The following HDAC9 variants were observed in gnomAD, a reference collection of about 807,000 sequenced individuals.
The protein encoded by HDAC9 is MEF-2 interacting transcription repressor (MITR) protein.
HDAC9 carries 41 observed loss-of-function variants against 139.4 expected under a neutral mutation model. That is an observed-to-expected ratio of 0.29 (90% CI 0.23 to 0.38). The LOEUF (loss-of-function observed/expected upper bound fraction) is 0.38, where lower values mean the gene tolerates loss of function less well. Among genes scored for constraint, HDAC9 ranks in the 10% least tolerant of loss-of-function variants. The pLI, the probability that HDAC9 is intolerant of heterozygous loss-of-function variation, is 1.00. For synonymous variants in HDAC9, 517 were observed against 476.2 expected (o/e 1.09, Z -1.12); for missense variants, 1,147 against 1,297.0 (o/e 0.88, Z 1.78).
intron 2 of HDAC9, among the ~76,000 whole-genome samples, chr7:18,169,924 G>T (rs1300245770): frequency 6.6e-6 from 1 of 152,136 alleles, no homozygotes; most frequent in African/African-American, 2.4e-5. Context: ...AAACATACAT[G>T]TGCATGTGTC....
At chr7:18,809,954 A>T (rs568508843) in intron 17 of HDAC9, among the ~76,000 whole-genome samples, 2 of 152,144 alleles carry the variant, frequency 1.3e-5, no homozygotes, top group Non-Finnish European at 2.9e-5. Flanking sequence ...AATAGGCAAG[A>T]TACGGAAAAA....
At chr7:18,764,523 T>G (rs1789658265) in intron 15 of HDAC9, among the ~76,000 whole-genome samples, 1 of 152,192 alleles carries the variant, frequency 6.6e-6, no homozygotes, top group South Asian at 2.1e-4. Context: ...TTTTTCTCAA[T>G]CTCAGTTCAA....
intron 17 of HDAC9, among the ~76,000 whole-genome samples, chr7:18,817,195 T>G (rs762379752): frequency 6.6e-6 from 1 of 152,082 alleles, no homozygotes; most frequent in African/African-American, 2.4e-5. Context: ...CCACCACGCC[T>G]GCCTGATTTT....
At chr7:18,280,787 A>G (rs1017031083) in intron 2 of HDAC9, among the ~76,000 whole-genome samples, 1 of 151,724 alleles carries the variant, frequency 6.6e-6, no homozygotes, top group African/African-American at 2.4e-5. Flanking sequence ...AATAAATAAA[A>G]AAGAGGGGAT....
intron 22 of HDAC9, among the ~76,000 whole-genome samples, chr7:18,894,779 A>G (rs142850340): frequency 1.2e-4 from 19 of 152,280 alleles, no homozygotes; most frequent in African/African-American, 3.8e-4. Flanking sequence ...TGCTGTAAAA[A>G]GAAGAGAGAA....
chr7:18,976,546 A>G (rs755236205), intron 25 of HDAC9, among the ~76,000 whole-genome samples: 14 of 152,212 alleles, frequency 9.2e-5, no homozygotes, highest in South Asian at 2.1e-4. Flanking sequence ...GGGATAGGAC[A>G]GAATTGGTTT....
At chr7:18,861,853 T>C (rs1798134974) in intron 21 of HDAC9, among the ~76,000 whole-genome samples, 1 of 152,182 alleles carries the variant, frequency 6.6e-6, no homozygotes. Flanking sequence ...TATATGTGAG[T>C]GTACACACAC....
intron 15 of HDAC9, among the ~76,000 whole-genome samples, chr7:18,765,985 A>G (rs953669383): frequency 1.1e-4 from 16 of 152,220 alleles, no homozygotes; most frequent in African/African-American, 3.6e-4. Flanking sequence ...TTACATTTAA[A>G]AAACCAACTA....
At chr7:18,309,800 A>C (rs1799181088) in intron 1 of HDAC9, among the ~76,000 whole-genome samples, 1 of 152,362 alleles carries the variant, frequency 6.6e-6, no homozygotes, top group African/African-American at 2.4e-5. Flanking sequence ...TGAAAAAAAA[A>C]GCTCAAATTT....
rs1784756899 is a variant in HDAC9, at chr7:18,979,446, A to AATT, written c.3170+3497_3170+3499dup. On this transcript the variant is annotated intron_variant, in intron 25 of 25. Transcript: ENST00000686413. ...GCTTCTAGAAGCTAAATGTTGCACA[A>AATT]ATTATTCACCCCTCTTATTTTATTC... 2.0e-5 allele frequency among the ~76,000 whole-genome samples: 3 copies of AATT among 152,298 alleles called. No homozygotes were observed. The South Asian group carries it at 6.2e-4, about 32-fold the overall frequency.
At chr7:18,482,763 G>C (rs964997208) in intron 1 of HDAC9, among the ~76,000 whole-genome samples, 1 of 152,126 alleles carries the variant, frequency 6.6e-6, no homozygotes, top group African/African-American at 2.4e-5. Context: ...TTAACAGCTA[G>C]GTGTGCCTGG....
At chr7:18,613,479 C>T (rs1232154517) in intron 6 of HDAC9, among the ~76,000 whole-genome samples, 2 of 152,068 alleles carry the variant, frequency 1.3e-5, no homozygotes, top group East Asian at 3.9e-4. Context: ...TCTCAACTAC[C>T]CCTAATGTAA....
intron 1 of HDAC9, among the ~76,000 whole-genome samples, chr7:18,141,827 A>G (rs1376337286): frequency 6.6e-6 from 1 of 152,094 alleles, no homozygotes; most frequent in East Asian, 1.9e-4. Context: ...CATTTCATTT[A>G]TTTATTTATT....
chr7:18,303,318 T>C (rs1294066854), intron 1 of HDAC9, among the ~76,000 whole-genome samples: 1 of 151,678 alleles, frequency 6.6e-6, no homozygotes, highest in Admixed American at 6.6e-5. Flanking sequence ...CCCGGGTTCC[T>C]GCCTCAGCCT....
chr7:18,995,028 A>T (rs1025195233), intron 25 of HDAC9, among the ~76,000 whole-genome samples: 2 of 152,220 alleles, frequency 1.3e-5, no homozygotes, highest in African/African-American at 4.8e-5. Flanking sequence ...TAGACAGCAA[A>T]GGGACAAATC....
intron 17 of HDAC9, among the ~76,000 whole-genome samples, chr7:18,817,074 G>A (rs1043593152): frequency 2.7e-5 from 4 of 148,988 alleles, no homozygotes; most frequent in South Asian, 2.1e-4. Context: ...TCGCGCTGTC[G>A]CCCAGGCTGG....
At chr7:18,754,231 A>G (rs937562430) in intron 14 of HDAC9, among the ~76,000 whole-genome samples, 3 of 152,068 alleles carry the variant, frequency 2.0e-5, no homozygotes, top group South Asian at 2.1e-4. Context: ...CAAAACCAGC[A>G]GCTTTCTTAT....
intron 1 of HDAC9, among the ~76,000 whole-genome samples, chr7:18,387,818 C>G (rs1274356831): frequency 6.6e-6 from 1 of 151,666 alleles, no homozygotes; most frequent in Non-Finnish European, 1.5e-5. Context: ...TGGTTATAGT[C>G]TTTGTTGGGG....
intron 2 of HDAC9, among the ~76,000 whole-genome samples, chr7:18,223,251 A>G (rs890359739): frequency 3.3e-5 from 5 of 152,154 alleles, no homozygotes; most frequent in Admixed American, 6.6e-5. Context: ...AAATATTTAC[A>G]TACGTCTTTT....
Sources: allele counts gnomAD v4.1 joint callset (sites outside exome capture counted in the v4.1 genomes callset), GRCh38; gene constraint gnomAD v4.1.1; transcripts MANE v1.5; gene names NCBI Gene and HGNC (gene_info 2026-07-23, HGNC 2026-07-21).